Variants in NSMCE2 observed in about 807,000 individuals in gnomAD.
NSMCE2 encodes the protein E3 SUMO-protein ligase NSE2.
In NSMCE2, 24 loss-of-function variants were observed where a neutral mutation model predicts 23.8. The observed-to-expected ratio is 1.01, with a 90% CI of 0.73 to 1.42. The LOEUF (loss-of-function observed/expected upper bound fraction) is 1.42, where lower values mean the gene tolerates loss of function less well. Among genes scored for constraint, NSMCE2 ranks in the 40% most tolerant of loss-of-function variants. The probability of loss-of-function intolerance (pLI) is 0.00; values close to 1 mark genes in which losing one functional copy is unlikely to be tolerated. For missense variants in NSMCE2, 284 were observed against 296.5 expected, an observed-to-expected ratio of 0.96 and a Z score of 0.31; for synonymous variants, 92 against 94.1, an observed-to-expected ratio of 0.98 and a Z score of 0.13.
chr8:125,342,919 C>T (rs77235354), intron 5 of NSMCE2, among the ~76,000 whole-genome samples: 11,010 of 152,146 alleles, frequency 0.072, 665 homozygotes, highest in African/African-American at 0.17. Context: ...TTTGCACCCT[C>T]GGGCTTTGAT....
intron 3 of NSMCE2, among the ~76,000 whole-genome samples, chr8:125,112,856 T>C (rs1405905046): frequency 6.6e-6 from 1 of 152,222 alleles, no homozygotes; most frequent in Admixed American, 6.5e-5. Flanking sequence ...ATAACTATTA[T>C]ATACTTGAAA....
intron 7 of NSMCE2, among the ~76,000 whole-genome samples, chr8:125,364,745 T>C (rs1193000720): frequency 6.6e-6 from 1 of 152,314 alleles, no homozygotes; most frequent in South Asian, 2.1e-4. Flanking sequence ...ATTAACATTA[T>C]TGAGCACAGA....
Position 125,339,362 on chromosome 8 carries a change from T to C in NSMCE2, c.419-17857T>C, listed in dbSNP as rs149747002. 5.0e-3 allele frequency among the ~76,000 whole-genome samples: 763 copies of C among 152,152 alleles called. 4 individuals carry two copies. Among genetic ancestry groups the C allele is most frequent in the Non-Finnish European group, 6.8e-3 (465 of 67,978 alleles). On this transcript the variant is annotated intron_variant, in intron 5 of 7. Coordinates refer to ENST00000287437, the MANE Select transcript of NSMCE2 (RefSeq NM_173685.4). Reference sequence around the variant, plus strand: ...CAACACTAGACTAGAGTCCTTTGGATTGGGGGCTCTGTCTTGTTTATCTTG... The same window carrying C: ...CAACACTAGACTAGAGTCCTTTGGACTGGGGGCTCTGTCTTGTTTATCTTG...
intron 5 of NSMCE2, among the ~76,000 whole-genome samples, chr8:125,204,643 C>G (rs1824032184): frequency 6.6e-6 from 1 of 152,140 alleles, no homozygotes; most frequent in Non-Finnish European, 1.5e-5. Flanking sequence ...TGCTGTAGAG[C>G]ACAGGGGTTT....
chr8:125,161,850 A>C (rs2130729392), intron 4 of NSMCE2, among the ~76,000 whole-genome samples: 1 of 151,644 alleles, frequency 6.6e-6, no homozygotes, highest in African/African-American at 2.4e-5. Context: ...ATTGCACCAC[A>C]GGATTGATTT....
At chr8:125,202,350 C>T (rs1368967096) in intron 5 of NSMCE2, among the ~76,000 whole-genome samples, 4 of 152,138 alleles carry the variant, frequency 2.6e-5, no homozygotes, top group East Asian at 1.9e-4. Context: ...CATCTTGGAA[C>T]GGACCAGCCC....
At chr8:125,193,371 C>T (rs1823449575) in intron 5 of NSMCE2, among the ~76,000 whole-genome samples, 1 of 152,222 alleles carries the variant, frequency 6.6e-6, no homozygotes, top group East Asian at 1.9e-4. Context: ...TAATAAGAGA[C>T]AACACACTTC....
At chr8:125,143,098 GCA>G (rs56704513) in intron 3 of NSMCE2, among the ~76,000 whole-genome samples, 5,176 of 147,654 alleles carry the variant, frequency 0.035, 115 homozygotes, top group Middle Eastern at 0.062. Context: ...GTGGGTGCAC[GCA>G]CACACACACA....
At chr8:125,223,042 A>G (rs10095101) in intron 5 of NSMCE2, among the ~76,000 whole-genome samples, 11,593 of 151,614 alleles carry the variant, frequency 0.076, 549 homozygotes, top group Middle Eastern at 0.27. Flanking sequence ...AGCCTGGGCA[A>G]CAGAGTGAGA....
intron 5 of NSMCE2, among the ~76,000 whole-genome samples, chr8:125,313,229 G>GAAGA (rs58458829): frequency 0.031 from 4,645 of 150,322 alleles, 198 homozygotes; most frequent in African/African-American, 0.1. Flanking sequence ...GAAAGAAAAA[G>GAAGA]AAGAAAGAAA....
intron 3 of NSMCE2, among the ~76,000 whole-genome samples, chr8:125,146,872 T>C (rs1037271372): frequency 6.6e-6 from 1 of 151,998 alleles, no homozygotes; most frequent in Non-Finnish European, 1.5e-5. Flanking sequence ...GTTGTGCACA[T>C]GTACCCTAAA....
At chr8:125,193,562 C>T (rs1252375386) in intron 5 of NSMCE2, among the ~76,000 whole-genome samples, 1 of 152,158 alleles carries the variant, frequency 6.6e-6, no homozygotes, top group Non-Finnish European at 1.5e-5. Flanking sequence ...TTATTCTTCA[C>T]TAGTTTTCTA....
At chr8:125,270,347 C>A (rs1827125809) in intron 5 of NSMCE2, among the ~76,000 whole-genome samples, 1 of 152,078 alleles carries the variant, frequency 6.6e-6, no homozygotes, top group East Asian at 1.9e-4. Flanking sequence ...CACCTGTAAA[C>A]CCAGCTACTC....
At chr8:125,205,561 C>G (rs1396911280) in intron 5 of NSMCE2, among the ~76,000 whole-genome samples, 1 of 152,172 alleles carries the variant, frequency 6.6e-6, no homozygotes, top group African/African-American at 2.4e-5. Context: ...TCATTTGATT[C>G]AAATAACAAG....
chr8:125,290,111 A>G (rs910495590), intron 5 of NSMCE2, among the ~76,000 whole-genome samples: 5 of 152,238 alleles, frequency 3.3e-5, no homozygotes, highest in Non-Finnish European at 5.9e-5. Context: ...AAGCATTATT[A>G]GAATTCCTGA....
chr8:125,128,973 T>C (rs1027664404), intron 3 of NSMCE2, among the ~76,000 whole-genome samples: 4 of 152,166 alleles, frequency 2.6e-5, no homozygotes, highest in Non-Finnish European at 4.4e-5. Flanking sequence ...ACTGGGGGAT[T>C]ATTAGAGGGC....
chr8:125,116,883 A>G (rs2130466774), intron 3 of NSMCE2, among the ~76,000 whole-genome samples: 4 of 148,732 alleles, frequency 2.7e-5, no homozygotes, highest in Middle Eastern at 6.9e-3. Context: ...TTAAGCATAT[A>G]ACTTTTTTTT....
intron 5 of NSMCE2, among the ~76,000 whole-genome samples, chr8:125,355,768 T>C (rs140191602): frequency 8.5e-5 from 13 of 152,124 alleles, no homozygotes; most frequent in African/African-American, 2.6e-4. Context: ...TATCTTTTCT[T>C]CAGAGAGAAT....
chr8:125,177,140 T>C (rs1822538930), intron 4 of NSMCE2, among the ~76,000 whole-genome samples: 1 of 152,230 alleles, frequency 6.6e-6, no homozygotes, highest in Non-Finnish European at 1.5e-5. Context: ...GTCTCTATGC[T>C]GAAGTTAGAA....
Sources: allele counts gnomAD v4.1 joint callset (sites outside exome capture counted in the v4.1 genomes callset), GRCh38; gene constraint gnomAD v4.1.1; transcripts MANE v1.5; gene names NCBI Gene and HGNC (gene_info 2026-07-23, HGNC 2026-07-21).